SCFD2: variants seen among roughly 807,000 people sequenced by gnomAD.
SCFD2 encodes sec1 family domain containing 2, also known as sec1 family domain-containing protein 2.
A neutral mutation model predicts 58.9 loss-of-function variants in SCFD2; 54 were observed. The ratio of observed to expected loss-of-function variants is 0.92; its 90% CI spans 0.74 to 1.15. The LOEUF (loss-of-function observed/expected upper bound fraction) is 1.15, where lower values mean the gene tolerates loss of function less well. SCFD2 is among the 50% of genes most tolerant of loss of function. The probability of loss-of-function intolerance (pLI) is 0.00; values close to 1 mark genes in which losing one functional copy is unlikely to be tolerated. For missense variants in SCFD2, 805 were observed against 836.6 expected, an observed-to-expected ratio of 0.96 and a Z score of 0.47; for synonymous variants, 321 against 335.9, an observed-to-expected ratio of 0.96 and a Z score of 0.49.
At chr4:53,000,685 G>A (rs184346034) in intron 5 of SCFD2, among the ~76,000 whole-genome samples, 7 of 152,354 alleles carry the variant, frequency 4.6e-5, no homozygotes, top group African/African-American at 1.7e-4. Flanking sequence ...CTCGCTGTGG[G>A]TATCCTTTGA....
chr4:53,329,391 G>T (rs868418757), intron 2 of SCFD2, among the ~76,000 whole-genome samples: 1 of 152,078 alleles, frequency 6.6e-6, no homozygotes, highest in Non-Finnish European at 1.5e-5. Context: ...CACGCAGCTG[G>T]AGATCTCAGA....
chr4:53,237,637 CG>C (rs1560402854), intron 4 of SCFD2, among the ~76,000 whole-genome samples: 1 of 113,342 alleles, frequency 8.8e-6, no homozygotes, highest in African/African-American at 3.5e-5. Flanking sequence ...GCTGGCCGGG[CG>C]GGGGGCTGAC....
intron 4 of SCFD2, among the ~76,000 whole-genome samples, chr4:53,196,212 A>G (rs1419665708): frequency 2.0e-5 from 3 of 152,168 alleles, no homozygotes; most frequent in Non-Finnish European, 4.4e-5. Flanking sequence ...TAGTCTCATC[A>G]TGAAAATAAA....
rs189865030 is a variant in SCFD2 at position 52,898,029 on chromosome 4, A to T, written c.1842+9428T>A. Reference sequence around the variant, plus strand: ...CCCTTTGTCATTTGTTATTGCGTCTATTTGATTCTTCTCTCTTTTCTTCTT... The same window carrying T: ...CCCTTTGTCATTTGTTATTGCGTCTTTTTGATTCTTCTCTCTTTTCTTCTT... On this transcript the variant is annotated intron_variant, in intron 7 of 8. Coordinates refer to ENST00000401642, the MANE Select transcript of SCFD2 (RefSeq NM_152540.4). 3.3e-5 allele frequency among the ~76,000 whole-genome samples: 5 copies of T among 152,236 alleles called. No homozygotes were observed. In the East Asian group the frequency reaches 9.7e-4, roughly 29 times the overall value.
At chr4:53,037,063 C>A (rs1264454082) in intron 5 of SCFD2, among the ~76,000 whole-genome samples, 3 of 151,972 alleles carry the variant, frequency 2.0e-5, no homozygotes, top group Non-Finnish European at 4.4e-5. Context: ...AAACTCATAG[C>A]AGTTCACTTT....
rs114356433 is a variant in SCFD2 at position 52,969,823 on chromosome 4, C to T, written c.1562-48953G>A. Among the ~76,000 whole-genome samples, 478 of 152,278 alleles carry T rather than the reference C, an allele frequency of 3.1e-3. 3 individuals are homozygous for T. Among genetic ancestry groups the T allele is most frequent in the Middle Eastern group, 0.01 (3 of 294 alleles). ...GGGGATTATGTTAACTGGAGCAAAACCTAGCCTCTACTGCCTAAGATGACC... is the reference window on the plus strand; with the variant it reads ...GGGGATTATGTTAACTGGAGCAAAATCTAGCCTCTACTGCCTAAGATGACC... On this transcript the variant is annotated intron_variant, in intron 5 of 8. Coordinates refer to ENST00000401642, the MANE Select transcript of SCFD2 (RefSeq NM_152540.4).
intron 7 of SCFD2, among the ~76,000 whole-genome samples, chr4:52,897,679 T>C (rs1052553001): frequency 6.6e-6 from 1 of 152,198 alleles, no homozygotes; most frequent in African/African-American, 2.4e-5. Flanking sequence ...TAAAATGAGT[T>C]AGGGAGGATT....
At chr4:53,034,274 C>G (rs908616538) in intron 5 of SCFD2, among the ~76,000 whole-genome samples, 13 of 152,164 alleles carry the variant, frequency 8.5e-5, no homozygotes, top group African/African-American at 2.6e-4. Flanking sequence ...AATTCAACAC[C>G]CCTTCATGCC....
chr4:52,910,052 A>C (rs1020792654), intron 6 of SCFD2, among the ~76,000 whole-genome samples: 3 of 152,188 alleles, frequency 2.0e-5, no homozygotes, highest in African/African-American at 7.2e-5. Context: ...ACTATCATCA[A>C]ATAATAATTG....
chr4:53,345,800 A>C (rs1374798731), intron 2 of SCFD2, among the ~76,000 whole-genome samples: 1 of 152,200 alleles, frequency 6.6e-6, no homozygotes, highest in Non-Finnish European at 1.5e-5. Context: ...CTTTTCAGGG[A>C]CATGGATAAA....
intron 5 of SCFD2, among the ~76,000 whole-genome samples, chr4:53,122,997 T>A (rs1725524677): frequency 6.6e-6 from 1 of 152,204 alleles, no homozygotes; most frequent in African/African-American, 2.4e-5. Context: ...TGTGAGATTA[T>A]TTGGAATATA....
At chr4:53,350,542 T>C (rs534963819) in intron 2 of SCFD2, among the ~76,000 whole-genome samples, 2 of 152,336 alleles carry the variant, frequency 1.3e-5, no homozygotes, top group South Asian at 4.1e-4. Flanking sequence ...CCAAAATTGA[T>C]TTCCATTGTT....
chr4:53,109,573 T>A (rs932415344), intron 5 of SCFD2, among the ~76,000 whole-genome samples: 1 of 151,990 alleles, frequency 6.6e-6, no homozygotes, highest in Non-Finnish European at 1.5e-5. Context: ...TATACACCAA[T>A]AATAGAAAAA....
At chr4:52,917,845 C>T (rs972730367) in intron 6 of SCFD2, among the ~76,000 whole-genome samples, 8 of 152,230 alleles carry the variant, frequency 5.3e-5, no homozygotes, top group African/African-American at 1.9e-4. Flanking sequence ...TTGTGATTGA[C>T]ACCTTTTCCT....
chr4:53,345,808 A>T (rs1012525989), intron 2 of SCFD2, among the ~76,000 whole-genome samples: 28 of 152,292 alleles, frequency 1.8e-4, no homozygotes, highest in African/African-American at 6.7e-4. Flanking sequence ...GGACATGGAT[A>T]AAGCTGGAAA....
At chr4:53,217,658 G>A (rs978455375) in intron 4 of SCFD2, among the ~76,000 whole-genome samples, 6 of 152,106 alleles carry the variant, frequency 3.9e-5, no homozygotes, top group African/African-American at 7.2e-5. Context: ...GGTTAATATC[G>A]TTATGTGTGA....
At chr4:53,232,236 G>C (rs1236666625) in intron 4 of SCFD2, among the ~76,000 whole-genome samples, 1 of 152,120 alleles carries the variant, frequency 6.6e-6, no homozygotes, top group African/African-American at 2.4e-5. Flanking sequence ...AAAGAAAAAA[G>C]GCTGCACCAT....
chr4:53,145,555 C>T lies in SCFD2; in HGVS notation c.1339G>A (p.Val447Met). Residue 447 changes from valine to methionine, a missense_variant, in exon 5 of 9, where the codon GTG (valine) becomes ATG (methionine). Coordinates refer to ENST00000401642, the MANE Select transcript of SCFD2 (RefSeq NM_152540.4). ...ATCATGGGCAGCAGCTGATTTAACACAACGGACATTGCTGACTCCCCAATG... is the reference window on the plus strand; with the variant it reads ...ATCATGGGCAGCAGCTGATTTAACATAACGGACATTGCTGACTCCCCAATG... ...QSIGESAMSV[V>M]LNQLLPMIKP... 3 of 1,614,062 alleles carry T rather than the reference C, an allele frequency of 1.9e-6. No homozygotes were observed. Among genetic ancestry groups the T allele is most frequent in the Non-Finnish European group, 2.5e-6 (3 of 1,180,008 alleles).
chr4:53,256,582 G>A (rs1730641456), intron 4 of SCFD2, among the ~76,000 whole-genome samples: 2 of 152,092 alleles, frequency 1.3e-5, no homozygotes, highest in Non-Finnish European at 2.9e-5. Flanking sequence ...TCCAGCCTGG[G>A]CACCATTGAG....
Sources: allele counts gnomAD v4.1 joint callset (sites outside exome capture counted in the v4.1 genomes callset), GRCh38; gene constraint gnomAD v4.1.1; transcripts MANE v1.5; gene names NCBI Gene and HGNC (gene_info 2026-07-23, HGNC 2026-07-21).